The following SHOC1 variants were observed in gnomAD, a reference collection of about 807,000 sequenced individuals.
SHOC1 encodes the protein protein shortage in chiasmata 1 ortholog.
In SHOC1, 136 loss-of-function variants were observed where a neutral mutation model predicts 179.2. The ratio of observed to expected loss-of-function variants is 0.76; its 90% confidence interval spans 0.66 to 0.87. The LOEUF (loss-of-function observed/expected upper bound fraction) is 0.87, where lower values mean the gene tolerates loss of function less well. Among genes scored for constraint, SHOC1 ranks in the 40% least tolerant of loss-of-function variants. SHOC1 has a pLI of 0.00. For missense variants in SHOC1, 1,538 were observed against 1,700.8 expected (o/e 0.90, Z 1.68); for synonymous variants, 489 against 586.6 (o/e 0.83, Z 2.41).
intron 18 of SHOC1, among the ~76,000 whole-genome samples, chr9:111,711,748 A>G (rs567102222): frequency 1.3e-5 from 2 of 152,314 alleles, no homozygotes; most frequent in Non-Finnish European, 2.9e-5. Flanking sequence ...AACTAAGAAT[A>G]TATAAAAAGA....
chr9:111,707,747 C>T, intron 19 of SHOC1, 108 bp downstream of exon 19: 1 of 744,470 alleles, frequency 1.3e-6, no homozygotes, highest in South Asian at 1.7e-5. Flanking sequence ...AGAGGCATTG[C>T]TTAATTTCAG....
At chr9:111,734,191 G>A (rs1186444692) in intron 12 of SHOC1, among the ~76,000 whole-genome samples, 1 of 151,750 alleles carries the variant, frequency 6.6e-6, no homozygotes, top group Non-Finnish European at 1.5e-5. Flanking sequence ...TCAAGCAAAC[G>A]TATTGCTATC....
At chr9:111,777,557 T>C (rs140591483) in intron 4 of SHOC1, among the ~76,000 whole-genome samples, 4 of 152,318 alleles carry the variant, frequency 2.6e-5, no homozygotes, top group Admixed American at 1.3e-4. Context: ...TTCAACTTCC[T>C]ACTGTTGCTA....
At chr9:111,792,887 C>CTTTTT (rs557546500) in intron 1 of SHOC1, among the ~76,000 whole-genome samples, 1 of 145,850 alleles carries the variant, frequency 6.9e-6, no homozygotes, top group Non-Finnish European at 1.5e-5. Flanking sequence ...TATCACTGAT[C>CTTTTT]TTTTTTTTTT....
intron 27 of SHOC1, among the ~76,000 whole-genome samples, chr9:111,687,079 T>C (rs1831208806): frequency 6.6e-6 from 1 of 152,066 alleles, no homozygotes; most frequent in South Asian, 2.1e-4. Context: ...CCCGAGCAGC[T>C]GGGATTACAG....
At chr9:111,694,126 TC>T in intron 25 of SHOC1, 104 bp downstream of exon 25, 1 of 1,240,588 alleles carries the variant, frequency 8.1e-7, no homozygotes, top group Non-Finnish European at 1.1e-6. Flanking sequence ...CACCTACCAC[TC>T]AATTTGAGAC....
chr9:111,782,151 G>A (rs541102567), intron 3 of SHOC1, among the ~76,000 whole-genome samples: 36 of 152,192 alleles, frequency 2.4e-4, no homozygotes, highest in Non-Finnish European at 4.0e-4. Context: ...GGCGGAGCTT[G>A]CAGTGAGCCA....
intron 10 of SHOC1, among the ~76,000 whole-genome samples, chr9:111,744,343 T>C (rs1364508486): frequency 6.6e-6 from 1 of 152,228 alleles, no homozygotes; most frequent in Non-Finnish European, 1.5e-5. Context: ...ATGCTCTTTT[T>C]AGGGCTCATA....
intron 12 of SHOC1, among the ~76,000 whole-genome samples, chr9:111,728,685 C>A (rs147786216): frequency 1.2e-4 from 18 of 152,132 alleles, no homozygotes; most frequent in Admixed American, 3.9e-4. Flanking sequence ...GGGGAGTGAC[C>A]ACTAATGGGT....
intron 8 of SHOC1, among the ~76,000 whole-genome samples, chr9:111,752,000 G>T (rs1405570333): frequency 4.6e-5 from 7 of 152,180 alleles, no homozygotes; most frequent in Non-Finnish European, 1.0e-4. Flanking sequence ...AACAAACTAT[G>T]TAAAATGACT....
chr9:111,715,485 CCT>C (rs777276690), intron 16 of SHOC1, among the ~76,000 whole-genome samples: 1 of 152,132 alleles, frequency 6.6e-6, no homozygotes, highest in African/African-American at 2.4e-5. Flanking sequence ...CAGACCTCCC[CCT>C]GATTCTCCAT....
chr9:111,751,908 G>A (rs955536229), intron 8 of SHOC1, among the ~76,000 whole-genome samples: 2 of 152,138 alleles, frequency 1.3e-5, no homozygotes, highest in Non-Finnish European at 2.9e-5. Flanking sequence ...TTAAAAACTA[G>A]TATATAAAAC....
At chr9:111,705,616 C>CT (rs1832238118) in intron 20 of SHOC1, among the ~76,000 whole-genome samples, 1 of 151,688 alleles carries the variant, frequency 6.6e-6, no homozygotes, top group Admixed American at 6.6e-5. Flanking sequence ...TATTTCCAGA[C>CT]TTTTTTCAGT....
chr9:111,698,452 C>G (rs189341568), intron 24 of SHOC1, among the ~76,000 whole-genome samples: 19 of 152,298 alleles, frequency 1.2e-4, no homozygotes, highest in Admixed American at 7.8e-4. Context: ...AATAAGGAAT[C>G]CTTTTCCCAT....
At chr9:111,738,846 T>C (rs1438241957) in intron 11 of SHOC1, among the ~76,000 whole-genome samples, 1 of 152,316 alleles carries the variant, frequency 6.6e-6, no homozygotes, top group East Asian at 1.9e-4. Context: ...ATGTTTAACA[T>C]TTTGAAGTAA....
chr9:111,690,073 C>A (rs1007856005), intron 27 of SHOC1, among the ~76,000 whole-genome samples: 2 of 140,338 alleles, frequency 1.4e-5, no homozygotes, highest in African/African-American at 5.6e-5. Flanking sequence ...AATCTAATAT[C>A]ATGAATGTAG....
At chr9:111,756,039 T>C (rs1407141382) in intron 8 of SHOC1, among the ~76,000 whole-genome samples, 2 of 152,006 alleles carry the variant, frequency 1.3e-5, no homozygotes, top group African/African-American at 4.8e-5. Context: ...GGAGAATCGC[T>C]TGAACCTGGG....
intron 3 of SHOC1, among the ~76,000 whole-genome samples, chr9:111,783,764 C>T (rs1001498903): frequency 5.9e-5 from 9 of 152,168 alleles, no homozygotes; most frequent in Non-Finnish European, 8.8e-5. Context: ...AATACCCATA[C>T]ACAGGAAGTT....
At chr9:111,755,148 G>C (rs1326494155) in intron 8 of SHOC1, among the ~76,000 whole-genome samples, 1 of 152,060 alleles carries the variant, frequency 6.6e-6, no homozygotes, top group East Asian at 1.9e-4. Flanking sequence ...GTGAAGGCTG[G>C]GAGTTTAACA....
Sources: gnomAD v4.1 joint callset for allele counts (sites outside exome capture counted in the v4.1 genomes callset) on GRCh38, gnomAD v4.1.1 for gene constraint, MANE v1.5 for transcripts, NCBI Gene and HGNC (gene_info 2026-07-23, HGNC 2026-07-21) for gene names.